DIAPH3: variants seen among roughly 807,000 people sequenced by gnomAD.
The protein encoded by DIAPH3 is protein diaphanous homolog 3.
A neutral mutation model predicts 144.3 loss-of-function variants in DIAPH3; 117 were observed. The ratio of observed to expected loss-of-function variants is 0.81; its 90% CI spans 0.70 to 0.95. The LOEUF is 0.95. DIAPH3 is among the 40% of genes least tolerant of loss of function. DIAPH3 has a pLI of 0.00. For missense variants in DIAPH3, 1,421 were observed against 1,412.7 expected, an observed-to-expected ratio of 1.01 and a Z score of -0.09; for synonymous variants, 519 against 488.9, an observed-to-expected ratio of 1.06 and a Z score of -0.81.
chr13:59,844,001 C>T (rs1456676447), intron 22 of DIAPH3, among the ~76,000 whole-genome samples: 1 of 151,836 alleles, frequency 6.6e-6, no homozygotes, highest in East Asian at 1.9e-4. Context: ...TAATGCATGG[C>T]AGGCTTAATA....
At chr13:60,139,268 A>G (rs1212958646) in intron 1 of DIAPH3, among the ~76,000 whole-genome samples, 3 of 152,212 alleles carry the variant, frequency 2.0e-5, no homozygotes, top group Non-Finnish European at 2.9e-5. Flanking sequence ...TTGATACTAC[A>G]AAGAAAAACT....
intron 22 of DIAPH3, among the ~76,000 whole-genome samples, chr13:59,856,720 A>G (rs956417329): frequency 1.3e-5 from 2 of 152,200 alleles, no homozygotes; most frequent in African/African-American, 4.8e-5. Flanking sequence ...GGGCTTTAAC[A>G]TAGGAATTTA....
intron 19 of DIAPH3, among the ~76,000 whole-genome samples, chr13:59,913,265 A>G (rs2047078415): frequency 6.6e-6 from 1 of 152,128 alleles, no homozygotes; most frequent in Non-Finnish European, 1.5e-5. Flanking sequence ...TAAAAATACT[A>G]TTGTGATTTT....
At chr13:59,948,198 T>A (rs2048900831) in intron 17 of DIAPH3, among the ~76,000 whole-genome samples, 1 of 152,210 alleles carries the variant, frequency 6.6e-6, no homozygotes, top group African/African-American at 2.4e-5. Context: ...CCAAAGCCGA[T>A]GCTTTTCACC....
chr13:59,969,044 C>G (rs2050208764), intron 17 of DIAPH3, among the ~76,000 whole-genome samples: 1 of 152,074 alleles, frequency 6.6e-6, no homozygotes, highest in African/African-American at 2.4e-5. Flanking sequence ...AATGATTGAT[C>G]TAAGTGTTTT....
At chr13:59,705,217 A>G (rs2034350694) in intron 27 of DIAPH3, among the ~76,000 whole-genome samples, 1 of 152,202 alleles carries the variant, frequency 6.6e-6, no homozygotes, top group Non-Finnish European at 1.5e-5. Flanking sequence ...TAAAAACAAA[A>G]TAACCACCTA....
intron 4 of DIAPH3, among the ~76,000 whole-genome samples, chr13:60,061,080 G>A (rs748788438): frequency 1.3e-5 from 2 of 152,022 alleles, no homozygotes; most frequent in Non-Finnish European, 2.9e-5. Context: ...AAGGGAAGAT[G>A]TCCCAATTGT....
chr13:59,867,376 T>C (rs2043989896), intron 21 of DIAPH3, among the ~76,000 whole-genome samples: 1 of 151,780 alleles, frequency 6.6e-6, no homozygotes, highest in African/African-American at 2.4e-5. Context: ...AAAATATAAC[T>C]TTCTTAATAA....
At chr13:59,922,700 G>T (rs768471990) in intron 18 of DIAPH3, among the ~76,000 whole-genome samples, 9 of 151,960 alleles carry the variant, frequency 5.9e-5, no homozygotes, top group South Asian at 2.1e-4. Flanking sequence ...GAGAGGAGAA[G>T]AATAATCTTA....
At chr13:59,684,823 A>G (rs529285236) in intron 27 of DIAPH3, among the ~76,000 whole-genome samples, 1 of 152,306 alleles carries the variant, frequency 6.6e-6, no homozygotes, top group African/African-American at 2.4e-5. Flanking sequence ...AATGTAATCT[A>G]TCTCATCAGC....
At chr13:59,839,825 T>C (rs2042242744) in intron 22 of DIAPH3, among the ~76,000 whole-genome samples, 2 of 152,178 alleles carry the variant, frequency 1.3e-5, no homozygotes, top group Non-Finnish European at 2.9e-5. Flanking sequence ...TTTTTCAAAA[T>C]CATCTCTTGA....
intron 4 of DIAPH3, among the ~76,000 whole-genome samples, chr13:60,092,714 G>A (rs1364323268): frequency 6.6e-6 from 1 of 151,748 alleles, no homozygotes; most frequent in Non-Finnish European, 1.5e-5. Context: ...TATACCTGAA[G>A]AGCAAGCTGC....
intron 4 of DIAPH3, among the ~76,000 whole-genome samples, chr13:60,087,041 T>C (rs780102531): frequency 5.3e-5 from 8 of 152,134 alleles, no homozygotes; most frequent in Non-Finnish European, 8.8e-5. Flanking sequence ...CTTTAAATCA[T>C]CTCTAGATGA....
chr13:60,133,002 A>G lies in DIAPH3; in HGVS notation c.181-13T>C, dbSNP rs1470472165. On this transcript the variant is annotated splice_polypyrimidine_tract_variant and intron_variant, in intron 1 of 27. Coordinates refer to ENST00000400324, the MANE Select transcript of DIAPH3 (RefSeq NM_001042517.2). ...TAATATTTAAATGCTGCAAATTAAA[A>G]AAAAGCAATCATATTAGTAATTTAT... 2.5e-6 allele frequency: 4 copies of G among 1,592,802 alleles called. No homozygotes were observed.
At chr13:60,159,175 G>A (rs1933059) in intron 1 of DIAPH3, among the ~76,000 whole-genome samples, 46,197 of 151,904 alleles carry the variant, frequency 0.3, 7,372 homozygotes, top group Admixed American at 0.4. Context: ...TTCTCACCTC[G>A]CAGCCTGCCT....
At chr13:60,124,822 G>A (rs1484342331) in intron 2 of DIAPH3, among the ~76,000 whole-genome samples, 4 of 151,692 alleles carry the variant, frequency 2.6e-5, no homozygotes, top group South Asian at 2.1e-4. Flanking sequence ...GTGACAAAGC[G>A]AGACCCTGTC....
chr13:59,825,133 C>T (rs1204290966), intron 24 of DIAPH3, among the ~76,000 whole-genome samples: 1 of 151,952 alleles, frequency 6.6e-6, no homozygotes, highest in African/African-American at 2.4e-5. Flanking sequence ...GTGTGCTGCA[C>T]CCATTAACTC....
At chr13:59,722,677 C>A (rs1386131040) in intron 27 of DIAPH3, among the ~76,000 whole-genome samples, 1 of 152,136 alleles carries the variant, frequency 6.6e-6, no homozygotes, top group Non-Finnish European at 1.5e-5. Context: ...ACAGGCACTG[C>A]AAGGTTCTGT....
intron 25 of DIAPH3, among the ~76,000 whole-genome samples, chr13:59,808,093 T>C (rs1474700816): frequency 6.6e-6 from 1 of 151,472 alleles, no homozygotes; most frequent in African/African-American, 2.4e-5. Context: ...GAAGTTGATA[T>C]GAAATCAGTG....
Sources: allele counts gnomAD v4.1 joint callset (sites outside exome capture counted in the v4.1 genomes callset), GRCh38; gene constraint gnomAD v4.1.1; transcripts MANE v1.5; gene names NCBI Gene and HGNC (gene_info 2026-07-23, HGNC 2026-07-21).